The following EFL1 variants were observed in gnomAD, a reference collection of about 807,000 sequenced individuals.
EFL1 encodes the protein elongation factor-like GTPase 1.
Under a neutral mutation model 126.7 loss-of-function variants are expected in EFL1, and 76 were observed. That is an observed-to-expected ratio of 0.60 (90% CI 0.50 to 0.73). The LOEUF is 0.73. EFL1 is among the 30% of genes least tolerant of loss of function. The probability of loss-of-function intolerance (pLI) is 0.00; values close to 1 mark genes in which losing one functional copy is unlikely to be tolerated. For synonymous variants in EFL1, 410 were observed against 448.4 expected, an observed-to-expected ratio of 0.91 and a Z score of 1.08; for missense variants, 1,128 against 1,343.2, an observed-to-expected ratio of 0.84 and a Z score of 2.50.
At chr15:82,148,919 G>T (rs2073877785) in intron 18 of EFL1, among the ~76,000 whole-genome samples, 1 of 151,902 alleles carries the variant, frequency 6.6e-6, no homozygotes, top group Admixed American at 6.6e-5. Context: ...ACAAGTATGA[G>T]GTAAATCTTG....
intron 14 of EFL1, among the ~76,000 whole-genome samples, chr15:82,216,714 G>C (rs2074650803): frequency 6.6e-6 from 1 of 152,030 alleles, no homozygotes; most frequent in Admixed American, 6.6e-5. Context: ...AACATGAAAA[G>C]TAAAATATTA....
At chr15:82,249,159 T>G (rs1374270140) in intron 4 of EFL1, among the ~76,000 whole-genome samples, 1 of 152,034 alleles carries the variant, frequency 6.6e-6, no homozygotes, top group East Asian at 1.9e-4. Flanking sequence ...AAATATAAAC[T>G]TGGGCCAGGT....
At chr15:82,257,898 A>C (rs1284066693) in intron 3 of EFL1, among the ~76,000 whole-genome samples, 2 of 152,138 alleles carry the variant, frequency 1.3e-5, no homozygotes, top group Non-Finnish European at 2.9e-5. Flanking sequence ...ATTTCCTTTC[A>C]TCTACTTACT....
chr15:82,210,874 A>T (rs950378247), intron 15 of EFL1, among the ~76,000 whole-genome samples: 5 of 151,704 alleles, frequency 3.3e-5, no homozygotes, highest in African/African-American at 1.2e-4. Context: ...AAAAAAAAAA[A>T]AAAAATAGAC....
In EFL1 at chr15:82,214,814, T is replaced by C. The variant is rs2074628291; in HGVS notation, c.1653A>G (p.Gln551=). The stretch of plus-strand genomic sequence containing the variant: ...GAGCACAGTATGCCATGTGGGGGAC[T>C]TGGGGGAGGCCATCTGGTGGAGCTG... ...GFSAPPDGLP[Q]VPHMAYCALE... The change falls in exon 15 of 20, where the codon CAA becomes CAG. Residue 551 remains glutamine (Q), a synonymous_variant. Transcript: ENST00000268206. 1.3e-6 allele frequency: 2 copies of C among 1,588,642 alleles called. No individual in the cohort carries two copies. Among genetic ancestry groups the C allele is most frequent in the Middle Eastern group, 1.7e-4 (1 of 5,884 alleles).
intron 15 of EFL1, among the ~76,000 whole-genome samples, chr15:82,180,359 C>A (rs368085350): frequency 2.5e-4 from 30 of 120,612 alleles, no homozygotes; most frequent in East Asian, 4.8e-4. Flanking sequence ...ATTAAACTGG[C>A]AAAAAAAAAA....
intron 18 of EFL1, among the ~76,000 whole-genome samples, chr15:82,145,836 C>CA (rs2073839471): frequency 7.5e-5 from 4 of 53,444 alleles, no homozygotes; most frequent in Admixed American, 7.4e-4. Context: ...AACTCCATCT[C>CA]AAAAAACCAA....
chr15:82,226,989 G>C (rs1321592045), intron 11 of EFL1, among the ~76,000 whole-genome samples: 1 of 152,232 alleles, frequency 6.6e-6, no homozygotes. Context: ...TCAAATGCTA[G>C]TGACAGATCT....
chr15:82,238,492 A>G lies in EFL1; in HGVS notation c.546T>C (p.Thr182=). 6 of 1,613,474 alleles carry G rather than the reference A, an allele frequency of 3.7e-6. No individual in the cohort carries two copies. The highest frequency in any genetic ancestry group is 4.2e-6 in the Non-Finnish European group (5 of 1,179,742). ...QINALTGTLF[T]SKVLEERAER... is the part of the protein sequence containing the mutation. ...CTGCTCTTTCTTCTAGGACTTTAGA[A>G]GTAAAAAGAGTCCCTGTGAGCGCAT... The change falls in exon 7 of 20, where the codon ACT becomes ACC. Residue 182 remains threonine, a synonymous_variant. Transcript: ENST00000268206.
At chr15:82,166,501 T>C (rs565160947) in intron 15 of EFL1, among the ~76,000 whole-genome samples, 1 of 152,328 alleles carries the variant, frequency 6.6e-6, no homozygotes, top group East Asian at 1.9e-4. Context: ...TAAATATAAT[T>C]TTAAAATCTA....
chr15:82,174,381 A>T (rs1270734990), intron 15 of EFL1: 1 of 152,086 alleles, frequency 6.6e-6, no homozygotes, highest in African/African-American at 2.4e-5. Context: ...CTACCAAGTA[A>T]GTACCTATGA....
chr15:82,166,970 A>G (rs911874707), intron 15 of EFL1, among the ~76,000 whole-genome samples: 2 of 152,228 alleles, frequency 1.3e-5, no homozygotes, highest in African/African-American at 2.4e-5. Flanking sequence ...CCTCCGGGTA[A>G]TCATTTCAGA....
At chr15:82,214,890 A>T (rs773767122) in intron 14 of EFL1, 35 bp from the exon 15 acceptor site, 2 of 1,588,080 alleles carry the variant, frequency 1.3e-6, no homozygotes, top group South Asian at 2.3e-5. Context: ...ACAAGTTAGG[A>T]GGCATTTGGA....
intron 15 of EFL1, among the ~76,000 whole-genome samples, chr15:82,214,122 C>T (rs1156459666): frequency 6.6e-6 from 1 of 152,154 alleles, no homozygotes; most frequent in Non-Finnish European, 1.5e-5. Context: ...CAGTATTCTA[C>T]AATACACTCT....
chr15:82,223,234 T>C (rs1157425256), intron 12 of EFL1, among the ~76,000 whole-genome samples: 2 of 138,856 alleles, frequency 1.4e-5, no homozygotes, highest in South Asian at 2.3e-4. Flanking sequence ...AATGGTACAT[T>C]TTCCCAAATT....
chr15:82,164,642 A>C (rs538159508), intron 15 of EFL1, among the ~76,000 whole-genome samples: 1 of 152,362 alleles, frequency 6.6e-6, no homozygotes, highest in South Asian at 2.1e-4. Flanking sequence ...TCACGCCTGC[A>C]ATCTCAGCAC....
At chr15:82,253,085 C>A (rs1295993698) in intron 3 of EFL1, among the ~76,000 whole-genome samples, 1 of 151,678 alleles carries the variant, frequency 6.6e-6, no homozygotes, top group Non-Finnish European at 1.5e-5. Context: ...GTTGCCCAGG[C>A]TGGAATGCAA....
At chr15:82,155,432 G>T (rs2073957684) in intron 17 of EFL1, among the ~76,000 whole-genome samples, 1 of 152,326 alleles carries the variant, frequency 6.6e-6, no homozygotes, top group African/African-American at 2.4e-5. Context: ...AGCCCAGGAA[G>T]CGGAGGTTGT....
intron 18 of EFL1, among the ~76,000 whole-genome samples, chr15:82,148,168 A>C: frequency 6.6e-6 from 1 of 152,110 alleles, no homozygotes; most frequent in East Asian, 1.9e-4. Context: ...TCATGAGGTC[A>C]GGGGTTCGAG....
Sources: gnomAD v4.1 joint callset for allele counts (sites outside exome capture counted in the v4.1 genomes callset) on GRCh38, gnomAD v4.1.1 for gene constraint, MANE v1.5 for transcripts, NCBI Gene and HGNC (gene_info 2026-07-23, HGNC 2026-07-21) for gene names.